The following EML4 variants were observed in gnomAD, a reference collection of about 807,000 sequenced individuals.
EML4 encodes EMAP like 4, also known as echinoderm microtubule-associated protein-like 4.
A neutral mutation model predicts 129.0 loss-of-function variants in EML4; 72 were observed. That is an observed-to-expected ratio of 0.56 (90% CI 0.46 to 0.68). The LOEUF (loss-of-function observed/expected upper bound fraction) is 0.68. Among genes scored for constraint, EML4 ranks in the 30% least tolerant of loss-of-function variants. The pLI is 0.00. For missense variants in EML4, 1,363 were observed against 1,190.6 expected, an observed-to-expected ratio of 1.14 and a Z score of -2.13; for synonymous variants, 532 against 405.0, an observed-to-expected ratio of 1.31 and a Z score of -3.77.
At chr2:42,280,818 TATG>T in intron 6 of EML4, 29 bp from the exon 7 acceptor site, 1 of 1,567,348 alleles carries the variant, frequency 6.4e-7, no homozygotes, top group Non-Finnish European at 8.7e-7. Flanking sequence ...AGAAAATACG[TATG>T]ACTTAACTTT....
rs1161540240 is a variant in EML4, at chr2:42,301,249, C to A, written c.1498C>A (p.Gln500Lys). 6.2e-7 allele frequency: 1 copy of A among 1,610,306 alleles called. No individual in the cohort carries two copies. Among genetic ancestry groups the A allele is most frequent in the South Asian group, 1.1e-5 (1 of 90,380 alleles). Residue 500 changes from glutamine (Q) to lysine (K), a missense_variant, in exon 14 of 23, where the codon CAA (glutamine) becomes AAA (lysine). Transcript: ENST00000318522. ...TPGKGPKGVY[Q>K]ISKQIKAHDG... Reference sequence around the variant, plus strand: ...TTTTTCCCTCATATTAGGTGTATATCAAATCAGCAAACAAATCAAAGCTCA... The same window carrying A: ...TTTTTCCCTCATATTAGGTGTATATAAAATCAGCAAACAAATCAAAGCTCA...
At chr2:42,214,840 G>C (rs1259890185) in intron 1 of EML4, among the ~76,000 whole-genome samples, 1 of 152,110 alleles carries the variant, frequency 6.6e-6, no homozygotes, top group Admixed American at 6.5e-5. Context: ...CAGTTCTCCT[G>C]GAGAAAGTAT....
rs1670321974 is a variant in EML4 at position 42,172,174 on chromosome 2, T to G, written c.25+2538T>G. Among the ~76,000 whole-genome samples, 3 of 152,174 alleles carry G rather than the reference T, an allele frequency of 2.0e-5. No individual in the cohort carries two copies. The South Asian group carries it at 6.2e-4, about 31-fold the overall frequency. On this transcript the variant is annotated intron_variant, in intron 1 of 22. Coordinates refer to ENST00000318522, the MANE Select transcript of EML4 (RefSeq NM_019063.5). Reference sequence around the variant, plus strand: ...TATTTCCTTTTACATATTAGATAGATTCTTGAAAAATGGTGAAAAAACTAC... The same window carrying G: ...TATTTCCTTTTACATATTAGATAGAGTCTTGAAAAATGGTGAAAAAACTAC...
At chr2:42,320,163 T>A (rs1334382628) in intron 19 of EML4, among the ~76,000 whole-genome samples, 2 of 152,036 alleles carry the variant, frequency 1.3e-5, no homozygotes, top group Non-Finnish European at 2.9e-5. Flanking sequence ...AATGATGACA[T>A]CATTATAGTC....
At chr2:42,318,293 TAAAAG>T (rs1052665672) in intron 19 of EML4, among the ~76,000 whole-genome samples, 1 of 152,196 alleles carries the variant, frequency 6.6e-6, no homozygotes, top group Non-Finnish European at 1.5e-5. Context: ...GGGAAACAGA[TAAAAG>T]AATTAGTTTT....
intron 1 of EML4, among the ~76,000 whole-genome samples, chr2:42,221,328 A>G (rs1330247891): frequency 6.6e-6 from 1 of 150,738 alleles, no homozygotes; most frequent in Non-Finnish European, 1.5e-5. Flanking sequence ...GGATTATTCT[A>G]CCCTGCGCAT....
intron 1 of EML4, among the ~76,000 whole-genome samples, chr2:42,199,367 G>A (rs1456118543): frequency 6.6e-6 from 1 of 152,196 alleles, no homozygotes; most frequent in Non-Finnish European, 1.5e-5. Context: ...AAATTAGATA[G>A]TAAGATCAAA....
At chr2:42,173,229 A>G (rs991523317) in intron 1 of EML4, among the ~76,000 whole-genome samples, 10 of 152,230 alleles carry the variant, frequency 6.6e-5, no homozygotes, top group African/African-American at 1.7e-4. Context: ...ACAATGCTGT[A>G]TATGATTTTC....
At chr2:42,224,010 TCTTG>T (rs1459017486) in intron 1 of EML4, among the ~76,000 whole-genome samples, 2 of 152,274 alleles carry the variant, frequency 1.3e-5, no homozygotes, top group African/African-American at 4.8e-5. Flanking sequence ...TGAAAGTTTT[TCTTG>T]CTTATTGAAT....
intron 1 of EML4, among the ~76,000 whole-genome samples, chr2:42,242,711 C>A (rs181768752): frequency 6.6e-6 from 1 of 150,542 alleles, no homozygotes; most frequent in East Asian, 1.9e-4. Context: ...TCTTTTCTTT[C>A]CTTTTCTTTT....
chr2:42,245,378 G>A (rs1239379014), intron 1 of EML4, 127 bp from the exon 2 acceptor site: 5 of 834,584 alleles, frequency 6.0e-6, no homozygotes, highest in Admixed American at 2.5e-5. Flanking sequence ...GTACAGGCAC[G>A]AGCCACTTCA....
intron 1 of EML4, 187 bp downstream of exon 1, chr2:42,169,823 A>T (rs576750093): frequency 5.8e-6 from 3 of 517,206 alleles, no homozygotes; most frequent in Non-Finnish European, 9.8e-6. Flanking sequence ...CCCATGTCCA[A>T]CTCTCCTCTG....
intron 6 of EML4, among the ~76,000 whole-genome samples, chr2:42,277,990 G>T (rs2104449201): frequency 6.6e-6 from 1 of 152,250 alleles, no homozygotes; most frequent in Middle Eastern, 3.4e-3. Flanking sequence ...CTTCTCCTTA[G>T]GTCGTTTAAG....
chr2:42,174,444 C>G (rs1355026318), intron 1 of EML4, among the ~76,000 whole-genome samples: 1 of 152,046 alleles, frequency 6.6e-6, no homozygotes, highest in African/African-American at 2.4e-5. Context: ...TTGTGTACCA[C>G]CACACCTGGC....
At chr2:42,306,844 T>G (rs1668636363) in intron 17 of EML4, among the ~76,000 whole-genome samples, 1 of 152,088 alleles carries the variant, frequency 6.6e-6, no homozygotes, top group African/African-American at 2.4e-5. Flanking sequence ...TGTAACATAG[T>G]GTTTATTAAT....
intron 11 of EML4, among the ~76,000 whole-genome samples, chr2:42,293,640 TTCACTCTG>T (rs1427403618): frequency 6.6e-6 from 1 of 152,070 alleles, no homozygotes; most frequent in Non-Finnish European, 1.5e-5. Flanking sequence ...GAGACAGAGT[TTCACTCTG>T]TCACCCAGGC....
At chr2:42,319,167 C>G (rs550491938) in intron 19 of EML4, among the ~76,000 whole-genome samples, 1 of 152,172 alleles carries the variant, frequency 6.6e-6, no homozygotes, top group African/African-American at 2.4e-5. Context: ...CATCTTGTGA[C>G]GTAATGGCAG....
chr2:42,284,228 A>G (rs770672127), intron 8 of EML4, among the ~76,000 whole-genome samples: 2 of 152,248 alleles, frequency 1.3e-5, no homozygotes, highest in African/African-American at 2.4e-5. Flanking sequence ...GTCAGCATGT[A>G]TGAGGATTAT....
intron 1 of EML4, among the ~76,000 whole-genome samples, chr2:42,209,745 C>A (rs1461831335): frequency 6.6e-6 from 1 of 152,138 alleles, no homozygotes; most frequent in African/African-American, 2.4e-5. Context: ...GCCTGACCAA[C>A]ACGGAGAAAC....
Sources: allele counts gnomAD v4.1 joint callset (sites outside exome capture counted in the v4.1 genomes callset), GRCh38; gene constraint gnomAD v4.1.1; transcripts MANE v1.5; gene names NCBI Gene and HGNC (gene_info 2026-07-23, HGNC 2026-07-21).